GABRB2: variants seen among roughly 807,000 people sequenced by gnomAD.
The protein encoded by GABRB2 is gamma-aminobutyric acid receptor subunit beta-2.
In GABRB2, 16 loss-of-function variants were observed where a neutral mutation model predicts 54.7. The observed-to-expected ratio is 0.29, with a 90% CI of 0.20 to 0.44. The LOEUF is 0.44. Among genes scored for constraint, GABRB2 ranks in the 20% least tolerant of loss-of-function variants. GABRB2 has a pLI of 1.00. For synonymous variants in GABRB2, 244 were observed against 233.8 expected, an observed-to-expected ratio of 1.04 and a Z score of -0.40; for missense variants, 355 against 644.0, an observed-to-expected ratio of 0.55 and a Z score of 4.86.
chr5:161,448,513 A>C (rs1423485148), intron 4 of GABRB2, among the ~76,000 whole-genome samples: 2 of 152,152 alleles, frequency 1.3e-5, no homozygotes, highest in African/African-American at 2.4e-5. Context: ...TCATGCAGAG[A>C]TATTTCCCTG....
In GABRB2 at chr5:161,377,277, TA is replaced by T. The variant is rs1454357939; in HGVS notation, c.541+33697del. Reference sequence around the variant, plus strand: ...GCTTTTGTAGCCCAGCAGCATTTTGTAAAACCCTAATGAAGGAACAGGGCCT... The same window carrying T: ...GCTTTTGTAGCCCAGCAGCATTTTGTAAACCCTAATGAAGGAACAGGGCCT... On this transcript the variant is annotated intron_variant, in intron 5 of 9. Coordinates refer to ENST00000393959, the MANE Select transcript of GABRB2 (RefSeq NM_001371727.1). Among the ~76,000 whole-genome samples, 9 of 152,212 alleles carry T rather than the reference TA, an allele frequency of 5.9e-5. No individual in the cohort carries two copies. In the East Asian group the frequency reaches 1.4e-3, roughly 23 times the overall value.
chr5:161,321,216 A>T (rs1419043296), intron 9 of GABRB2, among the ~76,000 whole-genome samples: 1 of 152,038 alleles, frequency 6.6e-6, no homozygotes, highest in Non-Finnish European at 1.5e-5. Flanking sequence ...TAACTTCTGG[A>T]TTCATAAACT....
intron 7 of GABRB2, among the ~76,000 whole-genome samples, 173 bp from the exon 8 acceptor site, chr5:161,331,300 T>C (rs1380226244): frequency 6.6e-6 from 1 of 152,234 alleles, no homozygotes; most frequent in Non-Finnish European, 1.5e-5. Context: ...TAGGTATAAA[T>C]TAGCTTACAG....
At chr5:161,455,030 T>TA (rs1201586176) in intron 4 of GABRB2, among the ~76,000 whole-genome samples, 2 of 147,606 alleles carry the variant, frequency 1.4e-5, no homozygotes, top group African/African-American at 2.7e-5. Context: ...ACTTAGTCTA[T>TA]AAAAAAAGGG....
intron 3 of GABRB2, among the ~76,000 whole-genome samples, chr5:161,543,086 A>C (rs1215370350): frequency 6.6e-6 from 1 of 152,258 alleles, no homozygotes; most frequent in African/African-American, 2.4e-5. Context: ...AAGGCTAAGT[A>C]AGGAATCTGG....
intron 3 of GABRB2, among the ~76,000 whole-genome samples, chr5:161,471,467 T>C (rs190634698): frequency 2.6e-4 from 39 of 152,094 alleles, no homozygotes; most frequent in African/African-American, 9.2e-4. Context: ...CCCTGACTAA[T>C]TGCTAGAGAC....
chr5:161,530,361 A>G (rs995186702), intron 3 of GABRB2, among the ~76,000 whole-genome samples: 4 of 152,164 alleles, frequency 2.6e-5, no homozygotes, highest in Non-Finnish European at 5.9e-5. Context: ...GGTGATAATT[A>G]TCAGAGCTGG....
At chr5:161,303,828 G>C (rs1757605793) in intron 9 of GABRB2, among the ~76,000 whole-genome samples, 1 of 151,344 alleles carries the variant, frequency 6.6e-6, no homozygotes, top group South Asian at 2.1e-4. Flanking sequence ...CCATGTTACT[G>C]TCTCTGGCCC....
At chr5:161,326,347 A>G in intron 9 of GABRB2, 21 bp downstream of exon 9, 2 of 1,609,164 alleles carry the variant, frequency 1.2e-6, no homozygotes, top group Middle Eastern at 3.3e-4. Flanking sequence ...AAATAAATGG[A>G]TTAAAAACTG....
chr5:161,477,684 T>C (rs543660649), intron 3 of GABRB2, among the ~76,000 whole-genome samples: 31 of 152,076 alleles, frequency 2.0e-4, no homozygotes, highest in South Asian at 4.1e-4. Context: ...GACAACATTA[T>C]GCTAAGTGAA....
intron 3 of GABRB2, among the ~76,000 whole-genome samples, chr5:161,479,112 A>G (rs1758678521): frequency 6.6e-6 from 1 of 152,092 alleles, no homozygotes; most frequent in South Asian, 2.1e-4. Flanking sequence ...TGCTTCCAAG[A>G]GAATACCTGA....
chr5:161,534,330 C>T (rs559916123), intron 3 of GABRB2, among the ~76,000 whole-genome samples: 26 of 152,226 alleles, frequency 1.7e-4, no homozygotes, highest in African/African-American at 6.0e-4. Flanking sequence ...TCCAATATAG[C>T]CAAGGTAAAG....
intron 5 of GABRB2, among the ~76,000 whole-genome samples, chr5:161,341,340 T>C (rs1360151252): frequency 2.6e-5 from 4 of 151,884 alleles, no homozygotes; most frequent in East Asian, 1.9e-4. Flanking sequence ...CAGAAGGAAA[T>C]GCACTGAAGC....
chr5:161,325,650 G>C (rs114656500), intron 9 of GABRB2, among the ~76,000 whole-genome samples: 1 of 152,194 alleles, frequency 6.6e-6, no homozygotes, highest in South Asian at 2.1e-4. Context: ...GTAGATGATA[G>C]GGTGGAATGG....
At chr5:161,400,615 G>A (rs533199036) in intron 5 of GABRB2, among the ~76,000 whole-genome samples, 2 of 152,234 alleles carry the variant, frequency 1.3e-5, no homozygotes, top group African/African-American at 2.4e-5. Flanking sequence ...TTTTTGAGTA[G>A]AGCCTTATCA....
intron 5 of GABRB2, among the ~76,000 whole-genome samples, chr5:161,375,031 C>T (rs552658844): frequency 2.0e-5 from 3 of 152,178 alleles, no homozygotes; most frequent in Non-Finnish European, 2.9e-5. Context: ...TATAGTTCAG[C>T]GTGAGAGACA....
intron 4 of GABRB2, among the ~76,000 whole-genome samples, chr5:161,417,277 T>C (rs1372368620): frequency 2.0e-5 from 3 of 152,242 alleles, no homozygotes; most frequent in Non-Finnish European, 4.4e-5. Flanking sequence ...AACTAACATA[T>C]TAATTGATCA....
rs1181384226 is a variant in GABRB2, at chr5:161,292,751, A to G, written c.*1330T>C. On this transcript the variant is annotated 3_prime_UTR_variant, in exon 10 of 10. Transcript: ENST00000393959. ...CCCAAACCAATGAATGCACAAATTA[A>G]CTCTCTGTGTGTTCATACTCCTTGA... 6.6e-6 allele frequency: 1 copy of G among 152,122 alleles called. No individual in the cohort carries two copies. The highest frequency in any genetic ancestry group is 6.6e-5 in the Admixed American group (1 of 15,258). The allele number at this position is 152,122 out of a possible 1,614,324, so 9.4% of individuals were successfully genotyped here.
chr5:161,295,358 T>G lies in GABRB2; in HGVS notation c.1192-930A>C, dbSNP rs146831932. ...TCCCAAACATTAAATTATTACATAA[T>G]GTTCTTTCTTGTGTTAAGAAGGGAA... On this transcript the variant is annotated intron_variant, in intron 9 of 9. Transcript: ENST00000393959. Among the ~76,000 whole-genome samples the G allele has an allele frequency of 8.8e-3, 1,348 of 152,362 alleles. 17 individuals are homozygous for G. The highest frequency in any genetic ancestry group is 0.03 in the African/African-American group (1,238 of 41,582).
Sources: gnomAD v4.1 joint callset for allele counts (sites outside exome capture counted in the v4.1 genomes callset) on GRCh38, gnomAD v4.1.1 for gene constraint, MANE v1.5 for transcripts, NCBI Gene and HGNC (gene_info 2026-07-23, HGNC 2026-07-21) for gene names.